Variants in PDZRN3 observed in about 807,000 individuals in gnomAD.
PDZRN3 encodes the protein E3 ubiquitin-protein ligase PDZRN3.
Under a neutral mutation model 85.7 loss-of-function variants are expected in PDZRN3, and 38 were observed. That is an observed-to-expected ratio of 0.44 (90% confidence interval 0.34 to 0.58). PDZRN3 has a LOEUF of 0.58. PDZRN3 is among the 20% of genes least tolerant of loss of function. The pLI is 0.01. For missense variants in PDZRN3, 1,629 were observed against 1,506.4 expected (o/e 1.08, Z -1.35); for synonymous variants, 759 against 638.0 (o/e 1.19, Z -2.86).
intron 2 of PDZRN3, among the ~76,000 whole-genome samples, chr3:73,603,027 C>A (rs192273493): frequency 1.6e-3 from 248 of 152,250 alleles, no homozygotes; most frequent in African/African-American, 5.7e-3. Context: ...AGTTCTAGGG[C>A]AAATCCCTAA....
intron 3 of PDZRN3, among the ~76,000 whole-genome samples, chr3:73,549,998 C>T (rs978578416): frequency 1.3e-5 from 2 of 152,172 alleles, no homozygotes; most frequent in African/African-American, 4.8e-5. Context: ...GCAGATGCTG[C>T]CTTAGCAAAC....
chr3:73,598,609 A>T (rs964544983), intron 3 of PDZRN3, among the ~76,000 whole-genome samples: 2 of 152,188 alleles, frequency 1.3e-5, no homozygotes. Flanking sequence ...ACAGGATTCC[A>T]GGGGACAGCA....
At chr3:73,540,164 T>A (rs1000321511) in intron 3 of PDZRN3, among the ~76,000 whole-genome samples, 7 of 139,330 alleles carry the variant, frequency 5.0e-5, no homozygotes, top group Non-Finnish European at 1.1e-4. Context: ...CTAAGAAAAA[T>A]TTTAAAAAAA....
rs559433159 is a variant in PDZRN3 at position 73,509,696 on chromosome 3, A to G, written c.918+92658T>C. ...AGGCTTTTAGGCCTTTCCAAGGAAAACAGCCTCTTCTCTTACTGCCTAAGC... is the reference window on the plus strand; with the variant it reads ...AGGCTTTTAGGCCTTTCCAAGGAAAGCAGCCTCTTCTCTTACTGCCTAAGC... On this transcript the variant is annotated intron_variant, in intron 3 of 9. Transcript: ENST00000263666. Among the ~76,000 whole-genome samples the G allele has an allele frequency of 2.6e-5, 4 of 152,308 alleles. No homozygotes were observed. In the East Asian group the frequency reaches 7.7e-4, roughly 29 times the overall value.
chr3:73,569,025 T>C, intron 3 of PDZRN3: 1 of 437,722 alleles, frequency 2.3e-6, no homozygotes, highest in Non-Finnish European at 4.4e-6. Flanking sequence ...ATTATTCCCA[T>C]TTCTAGATGA....
At position 73,432,059 on chromosome 3, in the gene PDZRN3, TA is replaced by T. The variant is rs541103223; in HGVS notation, c.919-27665del. Among the ~76,000 whole-genome samples the T allele has an allele frequency of 1.5e-4, 23 of 152,342 alleles. 1 individual carries two copies. The highest frequency in any genetic ancestry group is 5.3e-4 in the African/African-American group (22 of 41,582). Reference sequence around the variant, plus strand: ...CAAAACATTTTTAAAAGGCAAATTTTAAAAACTACCTTTTGACTTACTATGT... The same window carrying T: ...CAAAACATTTTTAAAAGGCAAATTTTAAAACTACCTTTTGACTTACTATGT... On this transcript the variant is annotated intron_variant, in intron 3 of 9. Transcript: ENST00000263666.
chr3:73,467,753 T>C (rs1347862088), intron 3 of PDZRN3, among the ~76,000 whole-genome samples: 1 of 152,216 alleles, frequency 6.6e-6, no homozygotes, highest in Non-Finnish European at 1.5e-5. Flanking sequence ...ATTCCCTCTA[T>C]TTATGACAAG....
chr3:73,516,389 C>G (rs945783989), intron 3 of PDZRN3, among the ~76,000 whole-genome samples: 1 of 152,124 alleles, frequency 6.6e-6, no homozygotes, highest in Non-Finnish European at 1.5e-5. Flanking sequence ...GCCTATTATC[C>G]AACTGTTACA....
At chr3:73,600,337 A>ACTCTCTCTCTCTCTCT (rs1553706426) in intron 3 of PDZRN3, among the ~76,000 whole-genome samples, 38 of 100,066 alleles carry the variant, frequency 3.8e-4, no homozygotes, top group East Asian at 6.1e-4. Context: ...ACACACACAC[A>ACTCTCTCTCTCTCTCT]CTCTCTCTCT....
intron 3 of PDZRN3, among the ~76,000 whole-genome samples, chr3:73,488,711 T>G (rs1352612936): frequency 1.3e-5 from 2 of 152,248 alleles, no homozygotes; most frequent in East Asian, 3.8e-4. Context: ...GCTGGCTTCG[T>G]GCACTTAGGA....
At chr3:73,449,120 CT>C (rs1702808258) in intron 3 of PDZRN3, among the ~76,000 whole-genome samples, 1 of 152,006 alleles carries the variant, frequency 6.6e-6, no homozygotes, top group Admixed American at 6.6e-5. Flanking sequence ...CATGGTGGGG[CT>C]AACAAGTGAA....
At chr3:73,562,409 T>C (rs1701838004) in intron 3 of PDZRN3, among the ~76,000 whole-genome samples, 1 of 152,094 alleles carries the variant, frequency 6.6e-6, no homozygotes, top group African/African-American at 2.4e-5. Flanking sequence ...CATTAGGAGG[T>C]GTTTCATTAG....
At chr3:73,435,132 G>A (rs1702507591) in intron 3 of PDZRN3, among the ~76,000 whole-genome samples, 1 of 152,170 alleles carries the variant, frequency 6.6e-6, no homozygotes, top group African/African-American at 2.4e-5. Flanking sequence ...CTTTCTCAGG[G>A]AGCCGAGACA....
At chr3:73,553,372 G>A (rs141206261) in intron 3 of PDZRN3, among the ~76,000 whole-genome samples, 1,609 of 152,110 alleles carry the variant, frequency 0.011, 29 homozygotes, top group African/African-American at 0.037. Flanking sequence ...TCAGGAGTTC[G>A]AGACCAGCCT....
chr3:73,404,527 G>A, intron 3 of PDZRN3, 132 bp from the exon 4 acceptor site: 1 of 921,684 alleles, frequency 1.1e-6, no homozygotes, highest in Non-Finnish European at 1.6e-6. Flanking sequence ...GAGAACTTCA[G>A]TTCTCTGTGT....
intron 3 of PDZRN3, among the ~76,000 whole-genome samples, chr3:73,478,885 T>A (rs142756414): frequency 2.8e-4 from 43 of 152,366 alleles, no homozygotes; most frequent in African/African-American, 9.6e-4. Flanking sequence ...ATGCTAATAA[T>A]GGTTAAAAAC....
At chr3:73,459,083 C>T (rs1047624181) in intron 3 of PDZRN3, among the ~76,000 whole-genome samples, 7 of 151,910 alleles carry the variant, frequency 4.6e-5, no homozygotes, top group Non-Finnish European at 1.0e-4. Context: ...AGTAAACTGA[C>T]AATCACGGCG....
intron 3 of PDZRN3, among the ~76,000 whole-genome samples, chr3:73,451,888 T>G (rs571484033): frequency 5.1e-4 from 78 of 152,080 alleles, no homozygotes; most frequent in African/African-American, 1.8e-3. Context: ...TAAACAGAGA[T>G]TTAAAGATGA....
chr3:73,567,780 C>T (rs1262394237), intron 3 of PDZRN3, among the ~76,000 whole-genome samples: 2 of 152,206 alleles, frequency 1.3e-5, no homozygotes, highest in Admixed American at 6.5e-5. Context: ...GCCTCTATCT[C>T]CCTTCCAAAC....
Sources: gnomAD v4.1 joint callset for allele counts (sites outside exome capture counted in the v4.1 genomes callset) on GRCh38, gnomAD v4.1.1 for gene constraint, MANE v1.5 for transcripts, NCBI Gene and HGNC (gene_info 2026-07-23, HGNC 2026-07-21) for gene names.